TMEM232: variants seen among roughly 807,000 people sequenced by gnomAD.
TMEM232 encodes transmembrane protein 232.
TMEM232 carries 80 observed loss-of-function variants against 78.8 expected under a neutral mutation model. The observed-to-expected ratio is 1.01, with a 90% CI of 0.85 to 1.22. The LOEUF (loss-of-function observed/expected upper bound fraction) is 1.22. TMEM232 is among the 50% of genes most tolerant of loss of function. TMEM232 has a pLI of 0.00. For missense variants in TMEM232, 881 were observed against 742.2 expected (o/e 1.19, Z -2.17); for synonymous variants, 297 against 254.3 (o/e 1.17, Z -1.60).
chr5:110,543,520 T>G (rs1380087247), intron 11 of TMEM232, among the ~76,000 whole-genome samples: 3 of 152,226 alleles, frequency 2.0e-5, no homozygotes, highest in Non-Finnish European at 2.9e-5. Context: ...GTCATCAATG[T>G]AAACTTGAAA....
intron 1 of TMEM232, among the ~76,000 whole-genome samples, chr5:110,686,657 A>C (rs948547600): frequency 6.6e-6 from 1 of 152,142 alleles, no homozygotes; most frequent in Non-Finnish European, 1.5e-5. Flanking sequence ...ACTATATGCA[A>C]ATTTTACTTC....
chr5:110,693,054 C>G (rs138961915), intron 1 of TMEM232, among the ~76,000 whole-genome samples: 3,217 of 152,268 alleles, frequency 0.021, 38 homozygotes, highest in Admixed American at 0.024. Flanking sequence ...AAGCACCCCC[C>G]AGTAGGGGCG....
At chr5:110,447,454 A>AATCTT (rs1449900593) in intron 12 of TMEM232, among the ~76,000 whole-genome samples, 1 of 152,124 alleles carries the variant, frequency 6.6e-6, no homozygotes, top group Non-Finnish European at 1.5e-5. Context: ...ACAATTTGTA[A>AATCTT]ATCTTATCTG....
chr5:110,448,294 G>A (rs1351477577), intron 12 of TMEM232, among the ~76,000 whole-genome samples: 1 of 151,970 alleles, frequency 6.6e-6, no homozygotes, highest in Non-Finnish European at 1.5e-5. Context: ...CTTAAACTAA[G>A]AGATTAAGAA....
At chr5:110,560,870 TCTC>T (rs1199566965) in intron 11 of TMEM232, among the ~76,000 whole-genome samples, 4 of 152,130 alleles carry the variant, frequency 2.6e-5, no homozygotes, top group Non-Finnish European at 5.9e-5. Flanking sequence ...CTTCAAATCT[TCTC>T]ATATTTTCAT....
intron 11 of TMEM232, among the ~76,000 whole-genome samples, chr5:110,541,876 C>G (rs372034475): frequency 6.6e-6 from 1 of 152,104 alleles, no homozygotes; most frequent in Non-Finnish European, 1.5e-5. Context: ...AAGTTTGAAA[C>G]TCAAAGGCTC....
chr5:110,575,536 A>C (rs770219108), intron 10 of TMEM232, among the ~76,000 whole-genome samples: 40 of 152,078 alleles, frequency 2.6e-4, no homozygotes, highest in Non-Finnish European at 5.3e-4. Flanking sequence ...GGCTGACTAG[A>C]AGCAGCTAAG....
Position 110,565,624 on chromosome 5 carries a change from C to T in TMEM232, c.1455+2823G>A, listed in dbSNP as rs117083303. 6.4e-4 allele frequency among the ~76,000 whole-genome samples: 98 copies of T among 152,028 alleles called. 1 individual carries two copies. The East Asian group carries it at 0.011, about 17-fold the overall frequency. ...AGATTGTGTGGAGTTGGAATTTAAA[C>T]GGAATTATTTTTTCTCTGTTCCCAA... On this transcript the variant is annotated intron_variant, in intron 11 of 13. Coordinates refer to ENST00000455884, the MANE Select transcript of TMEM232 (RefSeq NM_001039763.4).
At chr5:110,584,427 T>TA (rs991893339) in intron 10 of TMEM232, among the ~76,000 whole-genome samples, 1 of 152,044 alleles carries the variant, frequency 6.6e-6, no homozygotes, top group Non-Finnish European at 1.5e-5. Context: ...ATGATTCCAC[T>TA]AAATGAGGTA....
intron 1 of TMEM232, among the ~76,000 whole-genome samples, chr5:110,683,749 G>A (rs910064509): frequency 6.6e-6 from 1 of 151,472 alleles, no homozygotes; most frequent in Admixed American, 6.6e-5. Context: ...TATGGGAAAG[G>A]GTACTTATTG....
intron 10 of TMEM232, among the ~76,000 whole-genome samples, chr5:110,582,681 A>G (rs1778343830): frequency 6.6e-6 from 1 of 152,028 alleles, no homozygotes; most frequent in African/African-American, 2.4e-5. Context: ...AGATAAACAA[A>G]TAAAAGGCAT....
At chr5:110,540,710 T>G (rs1011020759) in intron 11 of TMEM232, among the ~76,000 whole-genome samples, 2 of 152,186 alleles carry the variant, frequency 1.3e-5, no homozygotes, top group Non-Finnish European at 2.9e-5. Context: ...CCTGGCACAT[T>G]AGCACAAAAG....
At chr5:110,397,094 C>A (rs1486847666) in intron 3 of TMEM232, among the ~76,000 whole-genome samples, 1 of 152,076 alleles carries the variant, frequency 6.6e-6, no homozygotes, top group African/African-American at 2.4e-5. Context: ...TTATTTATAT[C>A]CCATGCTGAA....
At chr5:110,398,109 T>A (rs1044299751) in intron 2 of TMEM232, among the ~76,000 whole-genome samples, 1 of 152,138 alleles carries the variant, frequency 6.6e-6, no homozygotes, top group African/African-American at 2.4e-5. Flanking sequence ...TTAGTCAATA[T>A]CATCATCTCT....
At chr5:110,519,061 T>G (rs1438326677) in intron 12 of TMEM232, among the ~76,000 whole-genome samples, 1 of 151,970 alleles carries the variant, frequency 6.6e-6, no homozygotes, top group Non-Finnish European at 1.5e-5. Flanking sequence ...GAAACAGAAA[T>G]AATTACAGGA....
intron 1 of TMEM232, among the ~76,000 whole-genome samples, chr5:110,696,450 C>G (rs1794790549): frequency 6.6e-6 from 1 of 152,084 alleles, no homozygotes; most frequent in Non-Finnish European, 1.5e-5. Flanking sequence ...AAGTTCAGGC[C>G]AGGGCAATTA....
chr5:110,718,509 T>C (rs960062281), intron 1 of TMEM232, among the ~76,000 whole-genome samples: 1 of 152,174 alleles, frequency 6.6e-6, no homozygotes, highest in African/African-American at 2.4e-5. Context: ...TATCTCTTGC[T>C]GCTTTCCAGA....
At chr5:110,680,707 G>GA (rs549992762) in intron 1 of TMEM232, among the ~76,000 whole-genome samples, 40 of 150,552 alleles carry the variant, frequency 2.7e-4, no homozygotes, top group East Asian at 5.8e-4. Flanking sequence ...TCTTTTTTTG[G>GA]AAAAAAAATA....
rs542422900 is a variant in TMEM232, at chr5:110,388,387, T to G, written n.616-334A>C. Among the ~76,000 whole-genome samples the G allele has an allele frequency of 1.8e-3, 267 of 152,256 alleles. 2 individuals carry two copies. Among genetic ancestry groups the G allele is most frequent in the Non-Finnish European group, 2.0e-3 (138 of 68,018 alleles). Reference sequence around the variant, plus strand: ...CCTAGTCCCAGGTAGTATATTCCTATCGGCACAACTGCTGGCATTCGCCTG... The same window carrying G: ...CCTAGTCCCAGGTAGTATATTCCTAGCGGCACAACTGCTGGCATTCGCCTG... On this transcript the variant is annotated intron_variant and non_coding_transcript_variant, in intron 4 of 8. Transcript: ENST00000507188.
Sources: allele counts gnomAD v4.1 joint callset (sites outside exome capture counted in the v4.1 genomes callset), GRCh38; gene constraint gnomAD v4.1.1; transcripts MANE v1.5; gene names NCBI Gene and HGNC (gene_info 2026-07-23, HGNC 2026-07-21).